Variants in CHST9 observed in about 807,000 individuals in gnomAD.
The protein encoded by CHST9 is GalNAc-4-sulfotransferase 2.
Under a neutral mutation model 44.4 loss-of-function variants are expected in CHST9, and 41 were observed. That is an observed-to-expected ratio of 0.92 (90% CI 0.72 to 1.20). CHST9 has a LOEUF of 1.20. CHST9 is among the 50% of genes most tolerant of loss of function. The pLI is 0.00. For missense variants in CHST9, 504 were observed against 516.5 expected (o/e 0.98, Z 0.23); for synonymous variants, 171 against 178.4 (o/e 0.96, Z 0.33).
intron 4 of CHST9, among the ~76,000 whole-genome samples, chr18:26,951,002 C>T (rs535551065): frequency 9.2e-5 from 14 of 152,148 alleles, no homozygotes; most frequent in African/African-American, 1.9e-4. Context: ...GTTGTCTGAC[C>T]GGCAGATTAA....
rs780916934 is a variant in CHST9, at chr18:26,916,468, C to A, written c.1123G>T (p.Glu375Ter). The A allele has an allele frequency of 6.2e-7, 1 of 1,613,752 alleles. No individual in the cohort carries two copies. The highest frequency in any genetic ancestry group is 1.1e-5 in the South Asian group (1 of 91,070). ...ATCTGTAAAAAGTAATTGGCATCTT[C>A]TTCCAAAGTCTCAAATTTCCCTACA... ...DFVGKFETLE[E>*]DANYFLQMIG... The change falls in exon 6 of 6, where the codon GAA becomes TAA. Residue 375 changes from glutamate (E) to a stop codon, truncating the protein, a stop_gained. Transcript: ENST00000618847. LOFTEE classifies it high-confidence loss of function.
chr18:27,075,316 C>T (rs567758776), intron 2 of CHST9, among the ~76,000 whole-genome samples: 3 of 151,726 alleles, frequency 2.0e-5, no homozygotes, highest in Non-Finnish European at 4.4e-5. Flanking sequence ...AAGCAAAGTA[C>T]TCAAGATACA....
chr18:26,962,733 G>A (rs1326594562), intron 4 of CHST9, among the ~76,000 whole-genome samples: 2 of 152,158 alleles, frequency 1.3e-5, no homozygotes, highest in Non-Finnish European at 2.9e-5. Context: ...GTAAAGGCTG[G>A]TGGCATCACC....
chr18:26,923,957 G>C (rs2055712370), intron 5 of CHST9, among the ~76,000 whole-genome samples: 1 of 152,174 alleles, frequency 6.6e-6, no homozygotes, highest in African/African-American at 2.4e-5. Flanking sequence ...CTGACATCGA[G>C]TCTGCTTGGG....
At chr18:26,991,072 T>C (rs550890191) in intron 4 of CHST9, among the ~76,000 whole-genome samples, 1 of 152,278 alleles carries the variant, frequency 6.6e-6, no homozygotes, top group East Asian at 1.9e-4. Flanking sequence ...TGAACCCACT[T>C]ACATATTAAA....
Position 27,168,471 on chromosome 18 carries a change from C to G in CHST9, c.-97+16665G>C, listed in dbSNP as rs972059588. Among the ~76,000 whole-genome samples, 8 of 152,266 alleles carry G rather than the reference C, an allele frequency of 5.3e-5. No individual in the cohort carries two copies. In the East Asian group the frequency reaches 1.5e-3, roughly 29 times the overall value. On this transcript the variant is annotated intron_variant, in intron 1 of 5. Coordinates refer to ENST00000618847, the MANE Select transcript of CHST9 (RefSeq NM_031422.6). ...AGGAGGCTGTTTTAATCTACAAATA[C>G]AGATAATGCTGATGACCTGGCCAGG... is the stretch of plus-strand genomic sequence containing the variant.
At chr18:27,092,053 C>T (rs900219197) in intron 2 of CHST9, among the ~76,000 whole-genome samples, 2 of 152,126 alleles carry the variant, frequency 1.3e-5, no homozygotes, top group Non-Finnish European at 2.9e-5. Flanking sequence ...TGGTAGAATT[C>T]AGCTATGAAT....
intron 3 of CHST9, among the ~76,000 whole-genome samples, chr18:27,042,138 G>A (rs1471824819): frequency 3.3e-5 from 5 of 152,074 alleles, no homozygotes; most frequent in African/African-American, 1.2e-4. Flanking sequence ...ACCAACCTGG[G>A]CCACTGGGCA....
chr18:27,131,864 T>C (rs2058474721), intron 2 of CHST9, among the ~76,000 whole-genome samples: 1 of 152,168 alleles, frequency 6.6e-6, no homozygotes, highest in Non-Finnish European at 1.5e-5. Context: ...TTACACAGAG[T>C]CTTACTGCTT....
intron 1 of CHST9, among the ~76,000 whole-genome samples, chr18:27,147,981 C>A (rs2058627824): frequency 1.3e-5 from 2 of 151,322 alleles, no homozygotes; most frequent in South Asian, 4.2e-4. Flanking sequence ...GCCTGGTACT[C>A]ATTAGTTATT....
At chr18:27,129,585 G>C (rs1440290214) in intron 2 of CHST9, among the ~76,000 whole-genome samples, 1 of 152,014 alleles carries the variant, frequency 6.6e-6, no homozygotes, top group African/African-American at 2.4e-5. Context: ...TAGAGATGGA[G>C]TTTCACCATG....
At chr18:27,109,890 G>A (rs529543790) in intron 2 of CHST9, among the ~76,000 whole-genome samples, 29 of 152,264 alleles carry the variant, frequency 1.9e-4, no homozygotes, top group African/African-American at 7.0e-4. Context: ...GCACCGTGGA[G>A]AGAAGTTAGG....
intron 2 of CHST9, among the ~76,000 whole-genome samples, chr18:27,048,903 T>C (rs2057534821): frequency 6.6e-6 from 1 of 151,950 alleles, no homozygotes; most frequent in African/African-American, 2.4e-5. Flanking sequence ...CCTCAAATAG[T>C]GTAGAATGTT....
chr18:27,074,871 ATATC>A (rs2057884535), intron 2 of CHST9, among the ~76,000 whole-genome samples: 1 of 147,994 alleles, frequency 6.8e-6, no homozygotes, highest in African/African-American at 2.4e-5. Flanking sequence ...TAGTTTATGT[ATATC>A]TATATATCTA....
chr18:27,140,380 A>G (rs1555627561), intron 2 of CHST9, among the ~76,000 whole-genome samples: 1 of 152,262 alleles, frequency 6.6e-6, no homozygotes, highest in Non-Finnish European at 1.5e-5. Context: ...CATAAATGGT[A>G]GCTATTAATG....
intron 2 of CHST9, among the ~76,000 whole-genome samples, chr18:27,141,879 GA>G (rs1453500292): frequency 6.6e-6 from 1 of 151,896 alleles, no homozygotes; most frequent in African/African-American, 2.4e-5. Flanking sequence ...AACTTCACAA[GA>G]TCTGTATGTA....
At chr18:27,130,514 T>C (rs2058462505) in intron 2 of CHST9, among the ~76,000 whole-genome samples, 1 of 152,206 alleles carries the variant, frequency 6.6e-6, no homozygotes, top group Non-Finnish European at 1.5e-5. Flanking sequence ...GAAACCCTAA[T>C]TTGGATTCAT....
chr18:27,031,160 A>C (rs1474916913), intron 3 of CHST9, among the ~76,000 whole-genome samples: 1 of 152,118 alleles, frequency 6.6e-6, no homozygotes, highest in African/African-American at 2.4e-5. Flanking sequence ...TACTTGATTC[A>C]GTTCCAAATA....
rs140729522 is a variant in CHST9 at position 26,914,514 on chromosome 18, G to A, written c.*1745C>T. On this transcript the variant is annotated 3_prime_UTR_variant, in exon 6 of 6. Transcript: ENST00000618847. ...AATTTAGATTACTCCAGAGTAAAAC[G>A]TCTTAAAAACTGAGAGCACAGCTTA... is the stretch of plus-strand genomic sequence containing the variant. 5.1e-3 allele frequency: 809 copies of A among 158,338 alleles called. 2 individuals are homozygous for A. Among genetic ancestry groups the A allele is most frequent in the Non-Finnish European group, 7.8e-3 (563 of 72,238 alleles). 9.8% of individuals were successfully genotyped at this position (158,338 alleles called of 1,614,324 possible). A position where few individuals can be genotyped will look rare whatever the true frequency, so the allele number is the denominator to read the frequency against.
Sources: allele counts gnomAD v4.1 joint callset (sites outside exome capture counted in the v4.1 genomes callset), GRCh38; gene constraint gnomAD v4.1.1; transcripts MANE v1.5; gene names NCBI Gene and HGNC (gene_info 2026-07-23, HGNC 2026-07-21).